Variants in SLC44A5 observed in about 807,000 individuals in gnomAD.
SLC44A5 encodes choline transporter-like protein 5.
In SLC44A5, 57 loss-of-function variants were observed where a neutral mutation model predicts 101.8. That is an observed-to-expected ratio of 0.56 (90% confidence interval 0.45 to 0.70). The LOEUF (loss-of-function observed/expected upper bound fraction) is 0.70. Ranked by LOEUF, SLC44A5 falls within the 30% of genes least tolerant of loss-of-function variation. The pLI is 0.00. For missense variants in SLC44A5, 737 were observed against 853.1 expected (o/e 0.86, Z 1.70); for synonymous variants, 281 against 290.9 (o/e 0.97, Z 0.35).
intron 6 of SLC44A5, 40 bp from the exon 7 acceptor site, chr1:75,251,334 A>C: frequency 3.3e-6 from 5 of 1,521,430 alleles, no homozygotes; most frequent in Non-Finnish European, 4.5e-6. Context: ...GTGACCATGG[A>C]AATGTTCCAT....
chr1:75,579,321 T>C (rs1673548295), intron 1 of SLC44A5, among the ~76,000 whole-genome samples: 1 of 152,186 alleles, frequency 6.6e-6, no homozygotes, highest in South Asian at 2.1e-4. Context: ...CAAACATCTA[T>C]AGTCCCAGCT....
chr1:75,313,281 GTT>G (rs1365526723), intron 4 of SLC44A5, among the ~76,000 whole-genome samples: 1 of 152,148 alleles, frequency 6.6e-6, no homozygotes, highest in Non-Finnish European at 1.5e-5. Flanking sequence ...CTCTCTAACG[GTT>G]TTTAACACAG....
At chr1:75,297,317 C>T (rs1217031231) in intron 5 of SLC44A5, among the ~76,000 whole-genome samples, 1 of 152,166 alleles carries the variant, frequency 6.6e-6, no homozygotes, top group Non-Finnish European at 1.5e-5. Context: ...CAAAGTCTGG[C>T]TCTATCACCC....
intron 4 of SLC44A5, 63 bp from the exon 5 acceptor site, chr1:75,300,748 CA>C: frequency 9.6e-7 from 1 of 1,041,166 alleles, no homozygotes; most frequent in Non-Finnish European, 1.4e-6. Context: ...GTTTCCTGCA[CA>C]AAATGAAGGA....
At chr1:75,350,080 G>A (rs1249842) in intron 3 of SLC44A5, among the ~76,000 whole-genome samples, 103,352 of 151,816 alleles carry the variant, frequency 0.68, 35,852 homozygotes, top group Middle Eastern at 0.76. Context: ...AAGTCCTACC[G>A]CGCCCCCCCC....
At chr1:75,535,790 A>C (rs1670963562) in intron 2 of SLC44A5, among the ~76,000 whole-genome samples, 1 of 152,216 alleles carries the variant, frequency 6.6e-6, no homozygotes, top group Non-Finnish European at 1.5e-5. Flanking sequence ...TTCAGGCAAT[A>C]GATTTAATCA....
At chr1:75,332,318 G>A (rs1340699107) in intron 4 of SLC44A5, among the ~76,000 whole-genome samples, 1 of 152,092 alleles carries the variant, frequency 6.6e-6, no homozygotes, top group South Asian at 2.1e-4. Flanking sequence ...TTAGTCTTGA[G>A]TCAAAAATTT....
At chr1:75,233,927 C>T (rs1030074247) in intron 12 of SLC44A5, 59 bp downstream of exon 12, 36 of 1,240,526 alleles carry the variant, frequency 2.9e-5, no homozygotes, top group Middle Eastern at 1.9e-4. Flanking sequence ...CTGATAACAG[C>T]GATTGAAAAT....
At position 75,513,140 on chromosome 1, in the gene SLC44A5, G is replaced by A. The variant is rs537241176; in HGVS notation, c.13+28295C>T. 5.9e-5 allele frequency among the ~76,000 whole-genome samples: 9 copies of A among 152,316 alleles called. No individual in the cohort carries two copies. In the South Asian group the frequency reaches 1.0e-3, roughly 18 times the overall value. On this transcript the variant is annotated intron_variant, in intron 2 of 23. Coordinates refer to ENST00000370859, the MANE Select transcript of SLC44A5 (RefSeq NM_001130058.2). ...ATCTTCTGTCCAGTGCAACTGAAGA[G>A]AGACTTGAATCTCAACTACACAGAC...
At chr1:75,674,162 A>C in the SLC44A5 span, among the ~76,000 whole-genome samples, 1 of 152,182 alleles carries the variant, frequency 6.6e-6, no homozygotes, top group African/African-American at 2.4e-5. Context: ...AAGACATTCA[A>C]GATAACACAG....
chr1:75,616,582 A>G, the SLC44A5 span, among the ~76,000 whole-genome samples: 13 of 152,160 alleles, frequency 8.5e-5, no homozygotes, highest in Admixed American at 8.5e-4. Context: ...CCGGCCCAGG[A>G]GCCGTCCTCC....
chr1:75,343,660 C>T (rs1006062065), intron 3 of SLC44A5, among the ~76,000 whole-genome samples: 1 of 152,052 alleles, frequency 6.6e-6, no homozygotes, highest in Non-Finnish European at 1.5e-5. Flanking sequence ...TTAAAAGAGA[C>T]CTACTGTGAG....
chr1:75,633,179 C>G, the SLC44A5 span, among the ~76,000 whole-genome samples: 2 of 152,078 alleles, frequency 1.3e-5, no homozygotes, highest in Non-Finnish European at 2.9e-5. Flanking sequence ...GTTCTTTTGG[C>G]TTAGGATTGG....
intron 2 of SLC44A5, among the ~76,000 whole-genome samples, chr1:75,408,563 A>G (rs747710769): frequency 5.3e-5 from 8 of 152,192 alleles, no homozygotes; most frequent in Non-Finnish European, 1.0e-4. Flanking sequence ...TTGCAGGGAC[A>G]TGGATGAAGC....
chr1:75,630,439 AG>A, the SLC44A5 span, among the ~76,000 whole-genome samples: 5 of 152,220 alleles, frequency 3.3e-5, no homozygotes, highest in South Asian at 1.0e-3. Flanking sequence ...CAGACTGGGC[AG>A]TTCCAGCTAC....
intron 2 of SLC44A5, among the ~76,000 whole-genome samples, chr1:75,468,036 CA>C (rs112822263): frequency 0.32 from 48,468 of 151,360 alleles, 7,870 homozygotes; most frequent in Middle Eastern, 0.4. Context: ...AGACATTTCT[CA>C]AAAAAAAGGC....
intron 2 of SLC44A5, among the ~76,000 whole-genome samples, chr1:75,480,072 T>C (rs558710803): frequency 1.3e-5 from 2 of 152,306 alleles, no homozygotes; most frequent in South Asian, 2.1e-4. Context: ...GTGGGCTTCA[T>C]CCCTGGGATG....
intron 1 of SLC44A5, among the ~76,000 whole-genome samples, chr1:75,571,309 A>C (rs934069790): frequency 1.3e-5 from 2 of 152,214 alleles, no homozygotes; most frequent in African/African-American, 4.8e-5. Context: ...AGGACAAAGA[A>C]ACAGAAAATA....
intron 4 of SLC44A5, among the ~76,000 whole-genome samples, chr1:75,326,431 C>G (rs527574513): frequency 6.6e-6 from 1 of 152,054 alleles, no homozygotes; most frequent in South Asian, 2.1e-4. Flanking sequence ...CTCTTCCAAT[C>G]ACAGTTTAGT....
Sources: allele counts gnomAD v4.1 joint callset (sites outside exome capture counted in the v4.1 genomes callset), GRCh38; gene constraint gnomAD v4.1.1; transcripts MANE v1.5; gene names NCBI Gene and HGNC (gene_info 2026-07-23, HGNC 2026-07-21).